The following PIEZO1 variants were observed in gnomAD, a reference collection of about 807,000 sequenced individuals.
PIEZO1 encodes piezo type mechanosensitive ion channel component 1 (Er blood group).
A neutral mutation model predicts 297.2 loss-of-function variants in PIEZO1; 296 were observed. The ratio of observed to expected loss-of-function variants is 1.00; its 90% CI spans 0.91 to 1.10. The LOEUF (loss-of-function observed/expected upper bound fraction) is 1.10. PIEZO1 is among the 50% of genes least tolerant of loss of function. The pLI is 0.00. For synonymous variants in PIEZO1, 2,427 were observed against 1,507.5 expected (o/e 1.61, Z -14.13); for missense variants, 5,018 against 3,455.5 (o/e 1.45, Z -11.34).
intron 24 of PIEZO1, 25 bp from the exon 25 acceptor site, chr16:88,726,983 G>A (rs1249207342): frequency 3.2e-6 from 5 of 1,549,292 alleles, no homozygotes; most frequent in East Asian, 2.4e-5. Context: ...CGTCAGGGCG[G>A]GCGCCCCGGC....
rs1236751629 is a variant in PIEZO1 at position 88,726,966 on chromosome 16, G to A, written c.3456-8C>T. 6 of 1,550,188 alleles carry A rather than the reference G, an allele frequency of 3.9e-6. No homozygotes were observed. Among genetic ancestry groups the A allele is most frequent in the Non-Finnish European group, 5.2e-6 (6 of 1,146,728 alleles). ...AGCATGTCAAGGTAGGACCTGCCAGGCCGGAGCGTCAGGGCGGGCGCCCCG... is the reference window on the plus strand; with the variant it reads ...AGCATGTCAAGGTAGGACCTGCCAGACCGGAGCGTCAGGGCGGGCGCCCCG... On this transcript the variant is annotated splice_polypyrimidine_tract_variant and splice_region_variant and intron_variant, in intron 24 of 50. Coordinates refer to ENST00000301015, the MANE Select transcript of PIEZO1 (RefSeq NM_001142864.4).
chr16:88,750,147 C>G (rs1195933606), intron 1 of PIEZO1, among the ~76,000 whole-genome samples: 1 of 151,756 alleles, frequency 6.6e-6, no homozygotes, highest in East Asian at 1.9e-4. Context: ...CCAGCCTGGC[C>G]AATATGGTGA....
In PIEZO1 at chr16:88,784,981, G is replaced by T; in HGVS notation, c.-17C>A. On this transcript the variant is annotated 5_prime_UTR_variant, in exon 1 of 51. Transcript: ENST00000301015. ...CGGCTCCATGGCTGGAGGGCCCAGG[G>T]CCCGGCCCAGACCGAGCGGACGCCG... 7.7e-7 allele frequency: 1 copy of T among 1,299,690 alleles called. No homozygotes were observed. The highest frequency in any genetic ancestry group is 2.0e-5 in the South Asian group (1 of 48,804). 80.5% of individuals were successfully genotyped at this position (1,299,690 alleles called of 1,614,324 possible).
At chr16:88,775,880 TGAG>T (rs1907638963) in intron 1 of PIEZO1, among the ~76,000 whole-genome samples, 1 of 152,148 alleles carries the variant, frequency 6.6e-6, no homozygotes, top group Non-Finnish European at 1.5e-5. Context: ...CTGGGAGACT[TGAG>T]GAGACTCCTC....
chr16:88,743,362 C>T (rs1174848910), intron 2 of PIEZO1: 4 of 452,304 alleles, frequency 8.8e-6, no homozygotes, highest in Non-Finnish European at 1.8e-5. Flanking sequence ...TCCACCCCGG[C>T]ACGTGCTGGC....
rs749151405 is a variant in PIEZO1, at chr16:88,726,718, C to T, written c.3696G>A (p.Leu1232=). 7.2e-5 allele frequency: 111 copies of T among 1,549,442 alleles called. No homozygotes were observed. Among genetic ancestry groups the T allele is most frequent in the Middle Eastern group, 1.7e-4 (1 of 6,010 alleles). ...TGCGGGGGGGCCGGAGGCTCACCGACAGCATGTTCTTGGAGATGATGACGG... is the reference window on the plus strand; with the variant it reads ...TGCGGGGGGGCCGGAGGCTCACCGATAGCATGTTCTTGGAGATGATGACGG... ...NVTVIISKNM[L]SLLACVFVEQ... The change falls in exon 25 of 51, where the codon CTG becomes CTA. Residue 1232 remains leucine, a synonymous_variant. Coordinates refer to ENST00000301015, the MANE Select transcript of PIEZO1 (RefSeq NM_001142864.4).
At position 88,726,477 on chromosome 16, in the gene PIEZO1, G is replaced by T. The variant is rs573920391; in HGVS notation, c.3797-22C>A. 7.9e-5 allele frequency: 122 copies of T among 1,548,700 alleles called. 1 individual carries two copies. The South Asian group carries it at 1.4e-3, about 18-fold the overall frequency. On this transcript the variant is annotated intron_variant, in intron 26 of 50. Transcript: ENST00000301015. ...TTGGCTGCAAGGCAGGCACCGGCAA[G>T]GGTCAGGCCCAGGGCCCAGGAGCAG...
intron 31 of PIEZO1, 41 bp from the exon 32 acceptor site, chr16:88,723,369 C>T: frequency 6.5e-7 from 1 of 1,534,174 alleles, no homozygotes; most frequent in Non-Finnish European, 8.7e-7. Flanking sequence ...CCTCCCGAGC[C>T]ATCAGACCCA....
At chr16:88,722,732 GT>G (rs1331648461) in intron 34 of PIEZO1, 43 bp from the exon 35 acceptor site, 4 of 1,530,196 alleles carry the variant, frequency 2.6e-6, no homozygotes, top group African/African-American at 2.7e-5. Context: ...TCCAGCTCTT[GT>G]CCCCACACGG....
chr16:88,719,945 A>G lies in PIEZO1; in HGVS notation c.6180T>C (p.Asn2060=), dbSNP rs554343383. ...CGAAGTACCAGAGCTGGGCCACCACATTCTGGTTGAACATCCTGGGGCGGG... is the reference window on the plus strand; with the variant it reads ...CGAAGTACCAGAGCTGGGCCACCACGTTCTGGTTGAACATCCTGGGGCGGG... The part of the protein sequence containing the change: ...PAVTERMFNQ[N]VVAQLWYFVK... Residue 2060 remains asparagine (N), a synonymous_variant, in exon 43 of 51, where the codon AAT becomes AAC. Coordinates refer to ENST00000301015, the MANE Select transcript of PIEZO1 (RefSeq NM_001142864.4). 1 of 1,550,296 alleles carries G rather than the reference A, an allele frequency of 6.5e-7. No individual in the cohort carries two copies. Among genetic ancestry groups the G allele is most frequent in the African/African-American group, 1.4e-5 (1 of 73,150 alleles).
At chr16:88,771,382 G>C (rs780331418) in intron 1 of PIEZO1, among the ~76,000 whole-genome samples, 1 of 152,154 alleles carries the variant, frequency 6.6e-6, no homozygotes, top group East Asian at 1.9e-4. Context: ...CTAGGAGTGC[G>C]GCGACAACAA....
intron 2 of PIEZO1, among the ~76,000 whole-genome samples, chr16:88,746,847 T>A (rs1187884589): frequency 1.3e-5 from 2 of 152,130 alleles, no homozygotes; most frequent in African/African-American, 4.8e-5. Flanking sequence ...ATGAAATATT[T>A]ACGGAACAAA....
intron 1 of PIEZO1, among the ~76,000 whole-genome samples, chr16:88,771,263 A>G (rs555850897): frequency 1.3e-5 from 2 of 152,172 alleles, no homozygotes; most frequent in Non-Finnish European, 2.9e-5. Context: ...TTCCACTCTT[A>G]AGGACGAAGT....
chr16:88,780,002 G>C (rs1280386822), intron 1 of PIEZO1, among the ~76,000 whole-genome samples: 3 of 152,146 alleles, frequency 2.0e-5, no homozygotes, highest in Non-Finnish European at 2.9e-5. Flanking sequence ...AAGCTTTTAC[G>C]GTGTCACTTA....
In PIEZO1 at chr16:88,732,726, G is replaced by A; in HGVS notation, c.2671C>T (p.Pro891Ser). ...GTGGGCAGCAAGTTGGTGCTGTTGG[G>A]GAAGGGCTGGCAAGAGGCCAGGCAT... ...EYSSNCTEPF[P>S]NSTNLLPTEI... is the part of the protein sequence containing the mutation. The change falls in exon 20 of 51, where the codon CCC (proline) becomes TCC (serine). Residue 891 changes from proline to serine, a missense_variant. Transcript: ENST00000301015. 1.3e-6 allele frequency: 2 copies of A among 1,546,364 alleles called. No homozygotes were observed. Among genetic ancestry groups the A allele is most frequent in the Non-Finnish European group, 1.7e-6 (2 of 1,144,686 alleles).
chr16:88,754,894 A>C (rs2142873014), intron 1 of PIEZO1, among the ~76,000 whole-genome samples: 1 of 152,316 alleles, frequency 6.6e-6, no homozygotes, highest in East Asian at 1.9e-4. Context: ...CGTGTGAACG[A>C]ACGCCCCGGC....
intron 41 of PIEZO1, 37 bp downstream of exon 41, chr16:88,720,348 C>T: frequency 6.5e-7 from 1 of 1,550,206 alleles, no homozygotes; most frequent in Non-Finnish European, 8.7e-7. Context: ...CTGCTGAGCT[C>T]TGCGTACACT....
rs1911990610 is a variant in PIEZO1, at chr16:88,715,985, T to C, written c.7264A>G (p.Ile2422Val). 3 of 1,549,894 alleles carry C rather than the reference T, an allele frequency of 1.9e-6. No individual in the cohort carries two copies. Among genetic ancestry groups the C allele is most frequent in the East Asian group, 2.4e-5 (1 of 40,918 alleles). The change falls in exon 50 of 51, where the codon ATT becomes GTT. Residue 2422 changes from isoleucine to valine, a missense_variant. Physicochemically the swap from Ile to Val is conservative, Grantham distance 29. Transcript: ENST00000301015. Reference protein sequence around the residue: ...RTDCNLLPMVIFSDKVSPPSL... With the variant: ...RTDCNLLPMVVFSDKVSPPSL... ...GGTGGGCTGACCTTGTCACTGAAAATGACCATGGGCAGCAGGTTGCAGTCG... is the reference window on the plus strand; with the variant it reads ...GGTGGGCTGACCTTGTCACTGAAAACGACCATGGGCAGCAGGTTGCAGTCG...
chr16:88,726,992 GCCA>G, intron 24 of PIEZO1, 34 bp from the exon 25 acceptor site: 1 of 1,549,116 alleles, frequency 6.5e-7, no homozygotes, highest in South Asian at 1.2e-5. Context: ...GGGCGCCCCG[GCCA>G]CCCCTCCCAG....
Sources: gnomAD v4.1 joint callset for allele counts (sites outside exome capture counted in the v4.1 genomes callset) on GRCh38, gnomAD v4.1.1 for gene constraint, MANE v1.5 for transcripts, NCBI Gene and HGNC (gene_info 2026-07-23, HGNC 2026-07-21) for gene names.